NEIL3: variants seen among roughly 807,000 people sequenced by gnomAD.
The protein encoded by NEIL3 is endonuclease 8-like 3.
NEIL3 carries 48 observed loss-of-function variants against 57.5 expected under a neutral mutation model. The ratio of observed to expected loss-of-function variants is 0.83; its 90% confidence interval spans 0.66 to 1.06. The LOEUF (loss-of-function observed/expected upper bound fraction) is 1.06, where lower values mean the gene tolerates loss of function less well. NEIL3 is among the 50% of genes least tolerant of loss of function. The probability of loss-of-function intolerance (pLI) is 0.00; values close to 1 mark genes in which losing one functional copy is unlikely to be tolerated. For synonymous variants in NEIL3, 261 were observed against 253.2 expected, an observed-to-expected ratio of 1.03 and a Z score of -0.29; for missense variants, 717 against 739.1, an observed-to-expected ratio of 0.97 and a Z score of 0.35.
downstream of NEIL3, among the ~76,000 whole-genome samples, chr4:177,365,709 A>G (rs1416461721): frequency 1.3e-5 from 2 of 152,184 alleles, no homozygotes; most frequent in East Asian, 3.8e-4. Flanking sequence ...TAGAAGTTTG[A>G]TGATGTTTTT....
chr4:177,343,180 G>A (rs1230329384), intron 6 of NEIL3: 1 of 152,124 alleles, frequency 6.6e-6, no homozygotes, highest in African/African-American at 2.4e-5. Flanking sequence ...TTGTGGGTCT[G>A]GGAAAATTGG....
Position 177,353,691 on chromosome 4 carries a change from C to T in NEIL3, c.1423C>T (p.Pro475Ser), listed in dbSNP as rs1735412895. ...ACCGAAAACAGCCCAATACTCATCA[C>T]CAGAGCTTAAAAGCTGCAACCCTGG... Reference protein sequence around the residue: ...KKPKTAQYSSPELKSCNPGYS... With the variant: ...KKPKTAQYSSSELKSCNPGYS... Residue 475 changes from proline (P) to serine (S), a missense_variant, in exon 8 of 10, where the codon CCA becomes TCA. Physicochemically the swap from Pro to Ser is moderately conservative, Grantham distance 74 (BLOSUM62 -1). Coordinates refer to ENST00000264596, the MANE Select transcript of NEIL3 (RefSeq NM_018248.3). 1 of 1,613,400 alleles carries T rather than the reference C, an allele frequency of 6.2e-7. No individual in the cohort carries two copies. The highest frequency in any genetic ancestry group is 8.5e-7 in the Non-Finnish European group (1 of 1,179,776).
chr4:177,358,550 G>A (rs530564401), intron 8 of NEIL3, among the ~76,000 whole-genome samples: 126 of 152,102 alleles, frequency 8.3e-4, no homozygotes, highest in African/African-American at 2.9e-3. Context: ...CAGGTGATCC[G>A]CCCGGCTCAG....
At chr4:177,344,491 C>T (rs1735168768) in intron 6 of NEIL3, among the ~76,000 whole-genome samples, 1 of 152,126 alleles carries the variant, frequency 6.6e-6, no homozygotes, top group African/African-American at 2.4e-5. Flanking sequence ...AAGTCCTCCC[C>T]CAATTTTCCA....
chr4:177,360,793 C>T (rs1404223220), intron 9 of NEIL3, 116 bp downstream of exon 9: 4 of 747,904 alleles, frequency 5.3e-6, no homozygotes, highest in African/African-American at 1.8e-5. Flanking sequence ...TTGAAATAGC[C>T]ATATTGGCAT....
rs17064707 is a variant in NEIL3 at position 177,358,773 on chromosome 4, A to G, written c.1461-1730A>G. On this transcript the variant is annotated intron_variant, in intron 8 of 9. Transcript: ENST00000264596. The stretch of plus-strand genomic sequence containing the variant: ...ATACAGAATCTAAACCTCTCCCTGG[A>G]TATGTGGAACCCTGGAGCTCTCTAG... Among the ~76,000 whole-genome samples, 118 of 152,276 alleles carry G rather than the reference A, an allele frequency of 7.7e-4. 3 individuals carry two copies. In the East Asian group the frequency reaches 0.019, roughly 25 times the overall value.
chr4:177,367,196 C>G (rs75813966), downstream of NEIL3, among the ~76,000 whole-genome samples: 14,765 of 132,542 alleles, frequency 0.11, 807 homozygotes, highest in South Asian at 0.2. Context: ...TCCTGGTTTT[C>G]AGCTTGACAG....
Position 177,309,927 on chromosome 4 carries a change from C to T in NEIL3, c.-27C>T, listed in dbSNP as rs762001004. 5.6e-6 allele frequency: 9 copies of T among 1,599,636 alleles called. No homozygotes were observed. The highest frequency in any genetic ancestry group is 7.7e-6 in the Non-Finnish European group (9 of 1,174,256). ...CGGTATTCTCACCAGGCCCTGCAAT[C>T]GGTGGGCCACAGTGCCGGCCACAGA... On this transcript the variant is annotated 5_prime_UTR_variant, in exon 1 of 10. Transcript: ENST00000264596.
intron 1 of NEIL3, 151 bp from the exon 2 acceptor site, chr4:177,322,308 C>T (rs545596017): frequency 2.0e-5 from 21 of 1,054,186 alleles, no homozygotes; most frequent in South Asian, 1.6e-4. Flanking sequence ...TGTAAACAGC[C>T]GATTACATTA....
At chr4:177,338,531 T>TTTGTACAGC (rs36073252) in intron 4 of NEIL3, among the ~76,000 whole-genome samples, 670 of 152,086 alleles carry the variant, frequency 4.4e-3, no homozygotes, top group Middle Eastern at 0.014. Flanking sequence ...ACCTGTGTCG[T>TTTGTACAGC]TGAAGGGTCA....
At chr4:177,342,041 A>G (rs34539659) in intron 6 of NEIL3, among the ~76,000 whole-genome samples, 1 of 152,240 alleles carries the variant, frequency 6.6e-6, no homozygotes, top group South Asian at 2.1e-4. Context: ...TGGTGAAATA[A>G]TAGACCACTT....
intron 2 of NEIL3, among the ~76,000 whole-genome samples, chr4:177,328,945 G>C (rs543115662): frequency 1.3e-5 from 2 of 152,198 alleles, no homozygotes; most frequent in African/African-American, 4.8e-5. Context: ...TTGAAGATAT[G>C]CATATCATTT....
At chr4:177,338,951 A>G (rs1735030830) in intron 4 of NEIL3, among the ~76,000 whole-genome samples, 1 of 152,180 alleles carries the variant, frequency 6.6e-6, no homozygotes, top group Non-Finnish European at 1.5e-5. Flanking sequence ...TATTCAATAA[A>G]TGCTTGAATT....
chr4:177,323,686 C>T (rs1941116971), intron 2 of NEIL3, among the ~76,000 whole-genome samples: 1 of 152,268 alleles, frequency 6.6e-6, no homozygotes, highest in South Asian at 2.1e-4. Context: ...AAACTCATAG[C>T]TCTGGATAGA....
At chr4:177,370,370 T>C in the NEIL3 span, among the ~76,000 whole-genome samples, 2 of 152,190 alleles carry the variant, frequency 1.3e-5, no homozygotes, top group Non-Finnish European at 2.9e-5. Flanking sequence ...ACTGACTATA[T>C]AGTGTTTCTG....
intron 2 of NEIL3, among the ~76,000 whole-genome samples, chr4:177,324,076 C>T (rs928035334): frequency 7.2e-5 from 11 of 152,228 alleles, no homozygotes; most frequent in Admixed American, 5.9e-4. Context: ...ATCATTTGCC[C>T]CTCTTTTCAC....
At position 177,335,747 on chromosome 4, in the gene NEIL3, A is replaced by G. The variant is rs774804923; in HGVS notation, c.338A>G (p.Asn113Ser). 1.9e-6 allele frequency: 3 copies of G among 1,598,032 alleles called. No individual in the cohort carries two copies. The highest frequency in any genetic ancestry group is 1.1e-5 in the South Asian group (1 of 87,154). Residue 113 changes from asparagine (N) to serine (S), a missense_variant, in exon 3 of 10, where the codon AAT becomes AGT. Transcript: ENST00000264596. The stretch of plus-strand genomic sequence containing the variant: ...AATCCACTTGAGTATAAATATAAAA[A>G]TGGAGCTTCTCCTGTTTTGGAAGTG... ...MINPLEYKYK[N>S]GASPVLEVQL...
intron 6 of NEIL3, among the ~76,000 whole-genome samples, chr4:177,345,473 T>TA: frequency 6.8e-6 from 1 of 146,132 alleles, no homozygotes; most frequent in Middle Eastern, 3.6e-3. Flanking sequence ...TCTTTTTTTT[T>TA]TTTATTATTA....
intron 9 of NEIL3, among the ~76,000 whole-genome samples, chr4:177,361,611 T>A (rs1021527467): frequency 1.3e-5 from 2 of 152,208 alleles, no homozygotes; most frequent in African/African-American, 2.4e-5. Context: ...ATTAGCAATA[T>A]TCATGGTATT....
Sources: allele counts gnomAD v4.1 joint callset (sites outside exome capture counted in the v4.1 genomes callset), GRCh38; gene constraint gnomAD v4.1.1; transcripts MANE v1.5; gene names NCBI Gene and HGNC (gene_info 2026-07-23, HGNC 2026-07-21).